Variants in PCCA observed in about 807,000 individuals in gnomAD.
PCCA encodes the protein propionyl-CoA carboxylase alpha chain, mitochondrial.
A neutral mutation model predicts 101.3 loss-of-function variants in PCCA; 74 were observed. The ratio of observed to expected loss-of-function variants is 0.73; its 90% CI spans 0.61 to 0.89. The LOEUF (loss-of-function observed/expected upper bound fraction) is 0.89, where lower values mean the gene tolerates loss of function less well. Ranked by LOEUF, PCCA falls within the 40% of genes least tolerant of loss-of-function variation. The pLI, the probability that PCCA is intolerant of heterozygous loss-of-function variation, is 0.00. For missense variants in PCCA, 891 were observed against 907.0 expected (o/e 0.98, Z 0.23); for synonymous variants, 294 against 313.6 (o/e 0.94, Z 0.66).
chr13:100,300,375 G>C (rs187221059), intron 12 of PCCA, among the ~76,000 whole-genome samples: 3 of 152,100 alleles, frequency 2.0e-5, no homozygotes, highest in Admixed American at 2.0e-4. Flanking sequence ...GGCATTGTCT[G>C]CTTATGATAA....
At chr13:100,413,922 C>T (rs2078201967) in intron 19 of PCCA, among the ~76,000 whole-genome samples, 1 of 152,026 alleles carries the variant, frequency 6.6e-6, no homozygotes, top group Non-Finnish European at 1.5e-5. Context: ...CTTATCACAC[C>T]AATCCAAAAG....
At chr13:100,389,164 T>C (rs2076674049) in intron 19 of PCCA, among the ~76,000 whole-genome samples, 1 of 152,028 alleles carries the variant, frequency 6.6e-6, no homozygotes, top group Non-Finnish European at 1.5e-5. Flanking sequence ...TGAGCATGTA[T>C]GTAGCGGAGG....
intron 17 of PCCA, among the ~76,000 whole-genome samples, chr13:100,331,934 A>ATTTTTTTTTTTTTTTTTTTTTTTT: frequency 1.1e-5 from 1 of 89,768 alleles, no homozygotes; most frequent in Non-Finnish European, 2.0e-5. Flanking sequence ...ATTACTTTGG[A>ATTTTTTTTTTTTTTTTTTTTTTTT]TTTTTTTTTT....
chr13:100,293,811 G>T (rs2065312564), intron 12 of PCCA, among the ~76,000 whole-genome samples: 1 of 152,166 alleles, frequency 6.6e-6, no homozygotes, highest in Non-Finnish European at 1.5e-5. Context: ...AACCTTAGTA[G>T]AAAATGAAGG....
rs184552902 is a variant in PCCA, at chr13:100,489,101, C to T, written c.1900-26326C>T. ...CAGGCGGATCACCAGGTCAGGAGATCGAGACCATCCTGGCTAACATGGTGA... is the reference window on the plus strand; with the variant it reads ...CAGGCGGATCACCAGGTCAGGAGATTGAGACCATCCTGGCTAACATGGTGA... On this transcript the variant is annotated intron_variant, in intron 21 of 23. Transcript: ENST00000376285. 7.2e-5 allele frequency among the ~76,000 whole-genome samples: 11 copies of T among 152,040 alleles called. No homozygotes were observed. The East Asian group carries it at 1.2e-3, about 16-fold the overall frequency.
rs1301053530 is a variant in PCCA, at chr13:100,524,111, G to A, written c.2041-3564G>A. 9.2e-5 allele frequency among the ~76,000 whole-genome samples: 14 copies of A among 152,206 alleles called. No individual in the cohort carries two copies. In the South Asian group the frequency reaches 2.3e-3, roughly 25 times the overall value. Reference sequence around the variant, plus strand: ...TGCGACACATTCTGCAGGAGTCAGCGCTGCTGGGAGCAAGGCTCCAAAGTC... The same window carrying A: ...TGCGACACATTCTGCAGGAGTCAGCACTGCTGGGAGCAAGGCTCCAAAGTC... On this transcript the variant is annotated intron_variant, in intron 22 of 23. Coordinates refer to ENST00000376285, the MANE Select transcript of PCCA (RefSeq NM_000282.4).
intron 21 of PCCA, among the ~76,000 whole-genome samples, chr13:100,493,575 T>C (rs1365526455): frequency 6.6e-6 from 1 of 152,174 alleles, no homozygotes; most frequent in Non-Finnish European, 1.5e-5. Flanking sequence ...CAACCCCAGT[T>C]CTTGCAAACC....
intron 14 of PCCA, among the ~76,000 whole-genome samples, chr13:100,305,217 A>G (rs534723258): frequency 2.6e-5 from 4 of 152,320 alleles, no homozygotes; most frequent in Admixed American, 6.5e-5. Flanking sequence ...GTGTTTATAT[A>G]TATCTTGATT....
intron 2 of PCCA, 30 bp downstream of exon 2, chr13:100,102,990 T>C: frequency 7.4e-7 from 1 of 1,359,582 alleles, no homozygotes; most frequent in Non-Finnish European, 1.1e-6. Flanking sequence ...TCTCAACAAC[T>C]AAATTAAACT....
chr13:100,334,276 G>A (rs1469820404), intron 17 of PCCA, among the ~76,000 whole-genome samples: 4 of 152,178 alleles, frequency 2.6e-5, no homozygotes, highest in Non-Finnish European at 5.9e-5. Context: ...CCTCTTTGAA[G>A]TTGGTAGTTT....
At chr13:100,310,603 T>TCTA (rs1430524924) in intron 16 of PCCA, among the ~76,000 whole-genome samples, 1 of 152,230 alleles carries the variant, frequency 6.6e-6, no homozygotes, top group East Asian at 1.9e-4. Flanking sequence ...AAGTTATTTA[T>TCTA]CTACTCCATC....
intron 21 of PCCA, among the ~76,000 whole-genome samples, chr13:100,483,367 C>T (rs1054274302): frequency 4.6e-5 from 7 of 152,186 alleles, no homozygotes; most frequent in South Asian, 2.1e-4. Flanking sequence ...GCCATGTGTC[C>T]GGCGCTGTCC....
At chr13:100,384,138 G>A (rs1466783743) in intron 19 of PCCA, among the ~76,000 whole-genome samples, 3 of 151,824 alleles carry the variant, frequency 2.0e-5, no homozygotes, top group African/African-American at 7.3e-5. Flanking sequence ...TTATTCTCAT[G>A]GCTCAGCTTC....
At chr13:100,478,696 A>G (rs1001031117) in intron 21 of PCCA, among the ~76,000 whole-genome samples, 2 of 152,122 alleles carry the variant, frequency 1.3e-5, no homozygotes, top group African/African-American at 4.8e-5. Context: ...TCACCCTGGG[A>G]GTGACTCCTC....
intron 4 of PCCA, among the ~76,000 whole-genome samples, chr13:100,151,515 C>T (rs369304832): frequency 4.7e-4 from 71 of 152,028 alleles, no homozygotes; most frequent in African/African-American, 1.5e-3. Flanking sequence ...TCGCTTGAAC[C>T]TGGGAGGTGG....
chr13:100,193,173 A>T (rs2057856459), intron 6 of PCCA, among the ~76,000 whole-genome samples: 1 of 152,200 alleles, frequency 6.6e-6, no homozygotes, highest in Admixed American at 6.5e-5. Flanking sequence ...TGAGAAGGTG[A>T]TTGAATTGCA....
chr13:100,502,936 G>A (rs1053431474), intron 21 of PCCA, among the ~76,000 whole-genome samples: 3 of 152,226 alleles, frequency 2.0e-5, no homozygotes, highest in Non-Finnish European at 4.4e-5. Context: ...GTTGGGAAAG[G>A]TTGTGGAAGC....
At chr13:100,491,398 C>T (rs1188328433) in intron 21 of PCCA, 1 of 187,750 alleles carries the variant, frequency 5.3e-6, no homozygotes, top group Non-Finnish European at 1.1e-5. Flanking sequence ...GTTTTCATTT[C>T]TGCCTTTTAA....
intron 6 of PCCA, among the ~76,000 whole-genome samples, chr13:100,183,577 G>T (rs2056989682): frequency 6.6e-6 from 1 of 152,186 alleles, no homozygotes; most frequent in African/African-American, 2.4e-5. Context: ...CATGACGAAG[G>T]TGGCATTTGA....
Sources: gnomAD v4.1 joint callset for allele counts (sites outside exome capture counted in the v4.1 genomes callset) on GRCh38, gnomAD v4.1.1 for gene constraint, MANE v1.5 for transcripts, NCBI Gene and HGNC (gene_info 2026-07-23, HGNC 2026-07-21) for gene names.